The following PALD1 variants were observed in gnomAD, a reference collection of about 807,000 sequenced individuals.
The protein encoded by PALD1 is phosphatase domain containing paladin 1, also known as paladin.
A neutral mutation model predicts 96.0 loss-of-function variants in PALD1; 57 were observed. The observed-to-expected ratio is 0.59, with a 90% CI of 0.48 to 0.74. PALD1 has a LOEUF of 0.74. PALD1 is among the 30% of genes least tolerant of loss of function. The pLI is 0.00. For missense variants in PALD1, 1,063 were observed against 1,143.7 expected, an observed-to-expected ratio of 0.93 and a Z score of 1.02; for synonymous variants, 464 against 473.6, an observed-to-expected ratio of 0.98 and a Z score of 0.26.
rs200367097 is a variant in PALD1, at chr10:70,533,897, G to T, written c.871-25G>T. 7.1e-6 allele frequency: 11 copies of T among 1,555,412 alleles called. No homozygotes were observed. In the African/African-American group the frequency reaches 1.2e-4, roughly 17 times the overall value. On this transcript the variant is annotated intron_variant, in intron 7 of 19. Coordinates refer to ENST00000263563, the MANE Select transcript of PALD1 (RefSeq NM_014431.3). Reference sequence around the variant, plus strand: ...CCCAGGGTTTCCTGGTCTCACTGGGGCCTGATCCTCATGGTCTTTCCCAGG... The same window carrying T: ...CCCAGGGTTTCCTGGTCTCACTGGGTCCTGATCCTCATGGTCTTTCCCAGG...
rs140963613 is a variant in PALD1 at position 70,515,044 on chromosome 10, G to A, written c.-29-10879G>A. 9.1e-3 allele frequency among the ~76,000 whole-genome samples: 1,379 copies of A among 152,328 alleles called. 26 individuals are homozygous for A. Among genetic ancestry groups the A allele is most frequent in the Admixed American group, 0.047 (715 of 15,294 alleles). The stretch of plus-strand genomic sequence containing the variant: ...AAGTACCATTGCTGTTGAAGTAGAT[G>A]GCCCCCAGTCTTTGGTGCCTACTTG... On this transcript the variant is annotated intron_variant, in intron 1 of 19. Coordinates refer to ENST00000263563, the MANE Select transcript of PALD1 (RefSeq NM_014431.3).
chr10:70,507,766 T>TGC (rs1468946177), intron 1 of PALD1, among the ~76,000 whole-genome samples: 1 of 141,256 alleles, frequency 7.1e-6, no homozygotes, highest in East Asian at 2.0e-4. Flanking sequence ...TGTGTGTGTG[T>TGC]GTGTGTGTGT....
intron 1 of PALD1, among the ~76,000 whole-genome samples, chr10:70,523,637 AAG>A (rs1221288307): frequency 6.6e-6 from 1 of 152,140 alleles, no homozygotes; most frequent in Non-Finnish European, 1.5e-5. Context: ...AAGAGAGAGA[AAG>A]AGAGGGAGAA....
In PALD1 at chr10:70,561,313, C is replaced by T. The variant is rs78567339; in HGVS notation, c.2263-3051C>T. The stretch of plus-strand genomic sequence containing the variant: ...TGCCTCTGAGCTCTTTAATTGAAAG[C>T]AGTTTAGAATGGCTCTTGCCCGGTG... On this transcript the variant is annotated intron_variant, in intron 18 of 19. Coordinates refer to ENST00000263563, the MANE Select transcript of PALD1 (RefSeq NM_014431.3). Among the ~76,000 whole-genome samples, 536 of 152,356 alleles carry T rather than the reference C, an allele frequency of 3.5e-3. 3 individuals carry two copies. The highest frequency in any genetic ancestry group is 0.012 in the African/African-American group (518 of 41,578).
chr10:70,530,364 G>A (rs549817457), intron 4 of PALD1, among the ~76,000 whole-genome samples: 2 of 152,204 alleles, frequency 1.3e-5, no homozygotes, highest in South Asian at 4.1e-4. Context: ...GACAGGAGGA[G>A]CCAGCTCATA....
intron 17 of PALD1, among the ~76,000 whole-genome samples, chr10:70,543,504 G>C (rs1480919070): frequency 6.6e-6 from 1 of 151,998 alleles, no homozygotes. Flanking sequence ...GACTTTTATA[G>C]TTTTTAACTC....
intron 1 of PALD1, among the ~76,000 whole-genome samples, chr10:70,521,554 A>T (rs1418683147): frequency 6.6e-6 from 1 of 151,502 alleles, no homozygotes; most frequent in East Asian, 1.9e-4. Flanking sequence ...TTTTTTCGAG[A>T]TGGAGTCTTG....
chr10:70,466,629 G>A, the PALD1 span, among the ~76,000 whole-genome samples: 1 of 152,196 alleles, frequency 6.6e-6, no homozygotes, highest in East Asian at 1.9e-4. Flanking sequence ...ATCTCCAGAA[G>A]CTTTACATCT....
chr10:70,467,458 G>A, the PALD1 span, among the ~76,000 whole-genome samples: 2 of 152,016 alleles, frequency 1.3e-5, no homozygotes, highest in Non-Finnish European at 2.9e-5. Flanking sequence ...GGAGAGTGAG[G>A]GGAGCCACTG....
rs868181181 is a variant in PALD1 at position 70,563,729 on chromosome 10, C to T, written c.2263-635C>T. 1.6e-4 allele frequency among the ~76,000 whole-genome samples: 24 copies of T among 152,304 alleles called. No homozygotes were observed. The Middle Eastern group carries it at 0.024, about 151-fold the overall frequency. On this transcript the variant is annotated intron_variant, in intron 18 of 19. Coordinates refer to ENST00000263563, the MANE Select transcript of PALD1 (RefSeq NM_014431.3). ...TCAGAGGCCAAGATGGGGTTTCTCC[C>T]CTTCAAGGCTGGAGGATGAACTCAC...
At chr10:70,530,501 G>T (rs1589198405) in intron 4 of PALD1, among the ~76,000 whole-genome samples, 1 of 152,170 alleles carries the variant, frequency 6.6e-6, no homozygotes, top group South Asian at 2.1e-4. Context: ...TAAGTGACTT[G>T]CTCAAGGTCA....
Position 70,535,619 on chromosome 10 carries a change from CCTCCTTCTT to C in PALD1, c.1227+780_1227+788del, listed in dbSNP as rs1339191916. ...CCTTCTCCTTCCTCTTCCTCCTTCT[CCTCCTTCTT>C]CTCGTCTTCCTCCTCCCTCCTCCCT... On this transcript the variant is annotated intron_variant, in intron 10 of 19. Coordinates refer to ENST00000263563, the MANE Select transcript of PALD1 (RefSeq NM_014431.3). Among the ~76,000 whole-genome samples, 4 of 147,968 alleles carry C rather than the reference CCTCCTTCTT, an allele frequency of 2.7e-5. No individual in the cohort carries two copies. The South Asian group carries it at 8.8e-4, about 33-fold the overall frequency.
At chr10:70,467,960 C>A in the PALD1 span, among the ~76,000 whole-genome samples, 1 of 152,150 alleles carries the variant, frequency 6.6e-6, no homozygotes, top group African/African-American at 2.4e-5. Context: ...GGGCAGTTTA[C>A]CCACCCACCC....
chr10:70,524,726 A>C (rs1229305695), intron 1 of PALD1, among the ~76,000 whole-genome samples: 1 of 152,162 alleles, frequency 6.6e-6, no homozygotes, highest in African/African-American at 2.4e-5. Context: ...AGCCAATGAT[A>C]TTTTTAATGG....
chr10:70,540,418 ATG>A lies in PALD1; in HGVS notation c.1908+667_1908+668del, dbSNP rs1358736424. On this transcript the variant is annotated intron_variant, in intron 15 of 19. Transcript: ENST00000263563. This position sits in a 1 kb window ranked among gnomAD's most constrained non-coding sequence, Gnocchi z 4.2. ...AGGGTTTGTGGAGGGGTCGTTAGGAATGTGTGTGTGTGGCATCTGTAGGTCTG... is the reference window on the plus strand; with the variant it reads ...AGGGTTTGTGGAGGGGTCGTTAGGAATGTGTGTGTGGCATCTGTAGGTCTG... 6.6e-6 allele frequency among the ~76,000 whole-genome samples: 1 copy of A among 150,834 alleles called. No individual in the cohort carries two copies. Among genetic ancestry groups the A allele is most frequent in the East Asian group, 2.0e-4 (1 of 5,102 alleles).
rs1485136289 is a variant in PALD1, at chr10:70,540,593, G to A, written c.1909-509G>A. ...CTGTGTGCTGTGTAACTGGCAATGG[G>A]GTCTGTTACCCTGCCTGAGCCCCTC... is the stretch of plus-strand genomic sequence containing the variant. On this transcript the variant is annotated intron_variant, in intron 15 of 19. Coordinates refer to ENST00000263563, the MANE Select transcript of PALD1 (RefSeq NM_014431.3). The surrounding 1 kb of genome is among the most constrained non-coding windows in gnomAD (Gnocchi z 4.2). Among the ~76,000 whole-genome samples, 9 of 152,174 alleles carry A rather than the reference G, an allele frequency of 5.9e-5. No homozygotes were observed. Among genetic ancestry groups the A allele is most frequent in the African/African-American group, 2.2e-4 (9 of 41,488 alleles).
At chr10:70,532,830 C>T (rs767927106) in intron 6 of PALD1, 49 bp downstream of exon 6, 5 of 1,596,172 alleles carry the variant, frequency 3.1e-6, no homozygotes, top group Non-Finnish European at 4.3e-6. Flanking sequence ...CCAGGTCCTG[C>T]TCTCCAGCTG....
intron 1 of PALD1, among the ~76,000 whole-genome samples, chr10:70,509,470 G>A (rs1275303949): frequency 6.6e-6 from 1 of 152,224 alleles, no homozygotes; most frequent in Non-Finnish European, 1.5e-5. Flanking sequence ...GCTGAATCCT[G>A]TTAGTAGGGC....
the PALD1 span, among the ~76,000 whole-genome samples, chr10:70,464,939 TTGTATGTA>T: frequency 0.013 from 1,907 of 142,230 alleles, 35 homozygotes; most frequent in African/African-American, 0.042. Context: ...CTATGTACAC[TTGTATGTA>T]TGTATGTATG....
Sources: gnomAD v4.1 joint callset for allele counts (sites outside exome capture counted in the v4.1 genomes callset) on GRCh38, gnomAD v4.1.1 for gene constraint, Gnocchi (gnomAD v3.1) non-coding constraint, MANE v1.5 for transcripts, NCBI Gene and HGNC (gene_info 2026-07-23, HGNC 2026-07-21) for gene names.